ONECUT2: variants seen among roughly 807,000 people sequenced by gnomAD.
ONECUT2 encodes the protein one cut homeobox 2.
A neutral mutation model predicts 27.9 loss-of-function variants in ONECUT2; 10 were observed. The ratio of observed to expected loss-of-function variants is 0.36; its 90% CI spans 0.22 to 0.61. The LOEUF is 0.61. Ranked by LOEUF, ONECUT2 falls within the 20% of genes least tolerant of loss-of-function variation. The pLI is 0.73. For missense variants in ONECUT2, 686 were observed against 721.0 expected (o/e 0.95, Z 0.56); for synonymous variants, 334 against 315.1 (o/e 1.06, Z -0.64).
At chr18:57,447,557 G>T (rs948214440) in intron 1 of ONECUT2, among the ~76,000 whole-genome samples, 6 of 152,174 alleles carry the variant, frequency 3.9e-5, no homozygotes, top group Non-Finnish European at 7.3e-5. Context: ...CATTACCACC[G>T]CTGGGGGGCG....
At chr18:57,445,858 C>T (rs987521237) in intron 1 of ONECUT2, among the ~76,000 whole-genome samples, 1 of 152,244 alleles carries the variant, frequency 6.6e-6, no homozygotes, top group Non-Finnish European at 1.5e-5. Context: ...ACCCTGGAGT[C>T]CCCCTCGGGG....
Position 57,488,331 on chromosome 18 carries a change from C to A in ONECUT2, c.*11608C>A, listed in dbSNP as rs1180357983. 1 of 152,570 alleles carries A rather than the reference C, an allele frequency of 6.6e-6. No homozygotes were observed. The highest frequency in any genetic ancestry group is 1.5e-5 in the Non-Finnish European group (1 of 68,018). 9.5% of individuals were successfully genotyped at this position (152,570 alleles called of 1,614,324 possible). On this transcript the variant is annotated 3_prime_UTR_variant, in exon 2 of 2. Coordinates refer to ENST00000491143, the MANE Select transcript of ONECUT2 (RefSeq NM_004852.3). ...TCCACAATAAAATTGATATTTGTTTCAGCAAAGTTTTCCTGACACTCACAA... is the reference window on the plus strand; with the variant it reads ...TCCACAATAAAATTGATATTTGTTTAAGCAAAGTTTTCCTGACACTCACAA...
At chr18:57,471,015 G>A (rs1395466978) in intron 1 of ONECUT2, among the ~76,000 whole-genome samples, 4 of 152,208 alleles carry the variant, frequency 2.6e-5, no homozygotes, top group South Asian at 2.1e-4. Context: ...TACTGACCAC[G>A]CAGTCGGTGG....
intron 1 of ONECUT2, among the ~76,000 whole-genome samples, chr18:57,471,636 CA>C (rs1340518256): frequency 3.3e-5 from 5 of 152,152 alleles, no homozygotes; most frequent in Admixed American, 3.3e-4. Flanking sequence ...TATTTTTAGG[CA>C]GTAGCTGTCT....
At chr18:57,458,958 T>C (rs1428420537) in intron 1 of ONECUT2, among the ~76,000 whole-genome samples, 1 of 152,228 alleles carries the variant, frequency 6.6e-6, no homozygotes, top group Non-Finnish European at 1.5e-5. Flanking sequence ...TTTGTTATAT[T>C]TTTATGATTT....
intron 1 of ONECUT2, among the ~76,000 whole-genome samples, chr18:57,457,421 C>G (rs955415416): frequency 2.0e-5 from 3 of 152,120 alleles, no homozygotes; most frequent in African/African-American, 7.2e-5. Context: ...TGCCCTTACC[C>G]CAGGTTCTAG....
At position 57,446,381 on chromosome 18, in the gene ONECUT2, GCT is replaced by G. The variant is rs1232195595; in HGVS notation, c.1228+9438_1228+9439del. Reference sequence around the variant, plus strand: ...CAGTAAACAGAATTGTGCAAACGGTGCTTTTAGCAGGAATATAGTTCTGATAA... The same window carrying G: ...CAGTAAACAGAATTGTGCAAACGGTGTTTAGCAGGAATATAGTTCTGATAA... On this transcript the variant is annotated intron_variant, in intron 1 of 1. Transcript: ENST00000491143. Among the ~76,000 whole-genome samples the G allele has an allele frequency of 2.0e-5, 3 of 152,174 alleles. No individual in the cohort carries two copies. In the East Asian group the frequency reaches 5.8e-4, roughly 29 times the overall value.
chr18:57,448,543 T>A (rs1379366226), intron 1 of ONECUT2, among the ~76,000 whole-genome samples: 2 of 152,258 alleles, frequency 1.3e-5, no homozygotes, highest in Non-Finnish European at 2.9e-5. Context: ...TTTTGTAAGC[T>A]TTGACTAAAG....
intron 1 of ONECUT2, among the ~76,000 whole-genome samples, chr18:57,439,599 C>T (rs942026740): frequency 6.6e-6 from 1 of 152,188 alleles, no homozygotes; most frequent in Non-Finnish European, 1.5e-5. Context: ...ATTATGTGCT[C>T]GGAGCGCTAG....
At chr18:57,468,633 A>G (rs625162) in intron 1 of ONECUT2, among the ~76,000 whole-genome samples, 106,013 of 152,078 alleles carry the variant, frequency 0.7, 38,911 homozygotes, top group East Asian at 0.91. Context: ...CTGGCCCTGA[A>G]TGGCCAGTGG....
Position 57,436,930 on chromosome 18 carries a change from C to T in ONECUT2, c.1214C>T (p.Ala405Val). 2.5e-6 allele frequency: 4 copies of T among 1,604,154 alleles called. No individual in the cohort carries two copies. The highest frequency in any genetic ancestry group is 3.4e-6 in the Non-Finnish European group (4 of 1,175,708). ...GAGCCCGAGTTCCAGCGCATGTCCG[C>T]CTTACGCCTGGCAGGTAAGGCCGGG... ...LQEPEFQRMS[A>V]LRLAACKRKE... Residue 405 changes from alanine (A) to valine (V), a missense_variant, in exon 1 of 2, where the codon GCC (alanine) becomes GTC (valine). Physicochemically the swap from Ala to Val is moderately conservative, Grantham distance 64. Around this residue, in one of 4 missense-constraint regions of ONECUT2, gnomAD observed 51 missense variants for 41.3 expected, o/e 1.23. Coordinates refer to ENST00000491143, the MANE Select transcript of ONECUT2 (RefSeq NM_004852.3). The surrounding 1 kb of genome is among the most constrained non-coding windows in gnomAD (Gnocchi z 5.9).
intron 1 of ONECUT2, among the ~76,000 whole-genome samples, chr18:57,467,597 C>A (rs2050330651): frequency 6.6e-6 from 1 of 152,092 alleles, no homozygotes; most frequent in South Asian, 2.1e-4. Context: ...GATCTCCTGA[C>A]CTCGTGATCC....
At chr18:57,441,630 T>A (rs1004335629) in intron 1 of ONECUT2, among the ~76,000 whole-genome samples, 1 of 152,278 alleles carries the variant, frequency 6.6e-6, no homozygotes, top group African/African-American at 2.4e-5. Flanking sequence ...CGAGTCTTCC[T>A]AACTATCCTG....
chr18:57,442,243 GGT>G (rs373933937), intron 1 of ONECUT2, among the ~76,000 whole-genome samples: 15,710 of 127,418 alleles, frequency 0.12, 1,138 homozygotes, highest in South Asian at 0.3. Context: ...AATTCTTCTG[GGT>G]TTTTTTTTTT....
chr18:57,473,064 A>C (rs545018556), intron 1 of ONECUT2, among the ~76,000 whole-genome samples: 5 of 152,322 alleles, frequency 3.3e-5, no homozygotes, highest in African/African-American at 1.2e-4. Flanking sequence ...GGGCAAGCAT[A>C]GTGGTTTCTA....
At chr18:57,444,299 C>T in intron 1 of ONECUT2, 1 of 453,368 alleles carries the variant, frequency 2.2e-6, no homozygotes, top group Non-Finnish European at 4.4e-6. Context: ...TCACCAAATT[C>T]TAGAATGTGG....
chr18:57,436,627 A>G lies in ONECUT2; in HGVS notation c.911A>G (p.His304Arg). The G allele has an allele frequency of 1.2e-6, 2 of 1,611,442 alleles. No individual in the cohort carries two copies. The highest frequency in any genetic ancestry group is 1.7e-6 in the Non-Finnish European group (2 of 1,179,840). Reference protein sequence around the residue: ...GLHHPGHTQSHGPVLAPSRER... With the variant: ...GLHHPGHTQSRGPVLAPSRER... ...CACCACCCGGGCCACACTCAGTCTC[A>G]CGGGCCGGTGCTGGCACCCAGTCGC... The change falls in exon 1 of 2, where the codon CAC (histidine) becomes CGC (arginine). Residue 304 changes from histidine to arginine, a missense_variant. Physicochemically the swap from His to Arg is conservative, Grantham distance 29. Around this residue, in one of 4 missense-constraint regions of ONECUT2, gnomAD observed 511 missense variants for 488.1 expected, o/e 1.05. Transcript: ENST00000491143. This position sits in a 1 kb window ranked among gnomAD's most constrained non-coding sequence, Gnocchi z 5.9.
At chr18:57,454,225 C>T (rs992723470) in intron 1 of ONECUT2, among the ~76,000 whole-genome samples, 1 of 152,146 alleles carries the variant, frequency 6.6e-6, no homozygotes, top group Admixed American at 6.5e-5. Flanking sequence ...TAAGTTAATG[C>T]ATACAGATGC....
intron 1 of ONECUT2, among the ~76,000 whole-genome samples, chr18:57,473,627 G>T (rs1427966161): frequency 1.3e-5 from 2 of 152,142 alleles, no homozygotes; most frequent in Admixed American, 1.3e-4. Context: ...ACCGAGGCAT[G>T]TGGACCAGCA....
Sources: gnomAD v4.1 joint callset for allele counts (sites outside exome capture counted in the v4.1 genomes callset) on GRCh38, gnomAD v4.1.1 for gene constraint, gnomAD v4.1.1 regional missense constraint, Gnocchi (gnomAD v3.1) non-coding constraint, MANE v1.5 for transcripts, NCBI Gene and HGNC (gene_info 2026-07-23, HGNC 2026-07-21) for gene names.